Variants in OGA observed in about 807,000 individuals in gnomAD.
OGA encodes protein O-GlcNAcase.
OGA carries 21 observed loss-of-function variants against 102.0 expected under a neutral mutation model. That is an observed-to-expected ratio of 0.21 (90% confidence interval 0.15 to 0.30). The LOEUF (loss-of-function observed/expected upper bound fraction) is 0.30, where lower values mean the gene tolerates loss of function less well. OGA is among the 10% of genes least tolerant of loss of function. The pLI, the probability that OGA is intolerant of heterozygous loss-of-function variation, is 1.00. For synonymous variants in OGA, 408 were observed against 378.2 expected, an observed-to-expected ratio of 1.08 and a Z score of -0.91; for missense variants, 765 against 1,107.8, an observed-to-expected ratio of 0.69 and a Z score of 4.39.
chr10:101,807,883 T>G lies in OGA; in HGVS notation c.499A>C (p.Arg167=). ...TCATCAAAAAGCAAAGCAAATGATC[T>G]GCACCCAAACTGAGAAACCTAGGAG... The part of the protein sequence containing the change: ...KLDQVSQFGC[R]SFALLFDDID... The change falls in exon 5 of 16, where the codon AGA becomes CGA. Residue 167 remains arginine (R), a synonymous_variant. Transcript: ENST00000361464. The G allele has an allele frequency of 6.5e-7, 1 of 1,541,414 alleles. No individual in the cohort carries two copies. The highest frequency in any genetic ancestry group is 8.7e-7 in the Non-Finnish European group (1 of 1,147,890).
chr10:101,804,816 C>G (rs2065446159), intron 6 of OGA, among the ~76,000 whole-genome samples: 1 of 151,992 alleles, frequency 6.6e-6, no homozygotes, highest in African/African-American at 2.4e-5. Flanking sequence ...ATCTTAAACT[C>G]CTGGCCTCAA....
intron 14 of OGA, among the ~76,000 whole-genome samples, chr10:101,789,791 C>G (rs555791087): frequency 6.6e-6 from 1 of 152,000 alleles, no homozygotes; most frequent in Admixed American, 6.6e-5. Context: ...CTGGGCAACA[C>G]GGCGAAACCC....
chr10:101,786,646 ATATAAAACTATAATCT>A, intron 15 of OGA, 59 bp from the exon 16 acceptor site: 1 of 1,302,584 alleles, frequency 7.7e-7, no homozygotes, highest in Non-Finnish European at 1.0e-6. Context: ...ATAATTATAG[ATATAAAACTATAATCT>A]TCGAGATGGT....
At chr10:101,787,708 C>T (rs2065207067) in intron 14 of OGA, 185 bp from the exon 15 acceptor site, 1 of 559,026 alleles carries the variant, frequency 1.8e-6, no homozygotes, top group African/African-American at 1.9e-5. Flanking sequence ...ACAGGATCTC[C>T]TTCTGTTGGC....
chr10:101,804,081 A>AT, intron 6 of OGA, 62 bp from the exon 7 acceptor site: 2 of 1,462,528 alleles, frequency 1.4e-6, no homozygotes, highest in Non-Finnish European at 9.3e-7. Context: ...GCATTGGCTC[A>AT]TAACTGTAAT....
Position 101,818,263 on chromosome 10 carries a change from G to C in OGA, c.-241C>G, listed in dbSNP as rs1237903542. On this transcript the variant is annotated 5_prime_UTR_variant, in exon 1 of 16. Transcript: ENST00000361464. Reference sequence around the variant, plus strand: ...GCCTCGGCTTTAAGCTGGGGCGCCAGAAGCCTAAGCGGAGAGCGAGGCTGT... The same window carrying C: ...GCCTCGGCTTTAAGCTGGGGCGCCACAAGCCTAAGCGGAGAGCGAGGCTGT... 7.6e-7 allele frequency: 1 copy of C among 1,310,474 alleles called. No individual in the cohort carries two copies. Among genetic ancestry groups the C allele is most frequent in the East Asian group, 3.1e-5 (1 of 31,816 alleles). The allele number at this position is 1,310,474 out of a possible 1,614,324, so 81.2% of individuals were successfully genotyped here. A position where few individuals can be genotyped will look rare whatever the true frequency, so the allele number is the denominator to read the frequency against.
chr10:101,796,203 A>C (rs1174670449), intron 10 of OGA, among the ~76,000 whole-genome samples: 1 of 152,164 alleles, frequency 6.6e-6, no homozygotes, highest in Non-Finnish European at 1.5e-5. Flanking sequence ...TCCAGCAACC[A>C]ATATTGAGGT....
At chr10:101,791,137 A>C in intron 13 of OGA, 49 bp from the exon 14 acceptor site, 1 of 1,542,594 alleles carries the variant, frequency 6.5e-7, no homozygotes, top group Non-Finnish European at 8.8e-7. Context: ...TGCTAATATA[A>C]AATTCAGACT....
rs758863170 is a variant in OGA, at chr10:101,813,103, T to G, written c.276A>C (p.Thr92=). 6.2e-7 allele frequency: 1 copy of G among 1,612,314 alleles called. No individual in the cohort carries two copies. Among genetic ancestry groups the G allele is most frequent in the South Asian group, 1.1e-5 (1 of 90,576 alleles). The change falls in exon 3 of 16, where the codon ACA becomes ACC. Residue 92 remains threonine, a synonymous_variant. Transcript: ENST00000361464. ...FRRLQKWELN[T]YLYAPKDDYK... ...AGTCATCTTTTGGGGCATACAAGTA[T>G]GTATTTAATTCCCATTTCTGGAGCC...
chr10:101,787,300 C>A, intron 15 of OGA, 64 bp downstream of exon 15: 2 of 1,439,060 alleles, frequency 1.4e-6, no homozygotes, highest in South Asian at 1.5e-5. Context: ...CTTTTATATC[C>A]AAAAATATAT....
rs1417200789 is a variant in OGA at position 101,784,467 on chromosome 10, T to TTTGCCTC, written c.*1977_*1983dup. ...GACAAGCATTCACTTCAAGTTTTAT[T>TTTGCCTC]TTGCCTCTTGCATGGTCTTTTACAG... On this transcript the variant is annotated 3_prime_UTR_variant, in exon 16 of 16. Transcript: ENST00000361464. 2.6e-5 allele frequency: 4 copies of TTTGCCTC among 152,674 alleles called. No individual in the cohort carries two copies. The highest frequency in any genetic ancestry group is 9.6e-5 in the African/African-American group (4 of 41,454). The allele number at this position is 152,674 out of a possible 1,614,324, so 9.5% of individuals were successfully genotyped here.
intron 4 of OGA, 51 bp downstream of exon 4, chr10:101,810,130 ACTT>A: frequency 1.4e-6 from 2 of 1,474,856 alleles, no homozygotes; most frequent in Non-Finnish European, 1.8e-6. Flanking sequence ...AACTGAGTAA[ACTT>A]CTAGTTTCAA....
At chr10:101,796,881 C>T (rs1043531789) in intron 10 of OGA, among the ~76,000 whole-genome samples, 1 of 152,024 alleles carries the variant, frequency 6.6e-6, no homozygotes, top group Non-Finnish European at 1.5e-5. Flanking sequence ...TGAGCAACCG[C>T]GCCCGAAGCT....
At chr10:101,806,990 AT>A (rs946933277) in intron 5 of OGA, among the ~76,000 whole-genome samples, 24 of 152,236 alleles carry the variant, frequency 1.6e-4, no homozygotes, top group African/African-American at 5.1e-4. Flanking sequence ...TTTAAAAAAA[AT>A]TTTTTTAAAG....
intron 6 of OGA, among the ~76,000 whole-genome samples, chr10:101,805,500 C>T (rs1187010455): frequency 6.6e-6 from 1 of 151,644 alleles, no homozygotes; most frequent in African/African-American, 2.4e-5. Context: ...ACTAGAAATA[C>T]AAAAATTAGC....
Position 101,813,543 on chromosome 10 carries a change from A to C in OGA, c.251+12T>G. The C allele has an allele frequency of 6.6e-7, 1 of 1,505,522 alleles. No individual in the cohort carries two copies. The highest frequency in any genetic ancestry group is 9.1e-7 in the Non-Finnish European group (1 of 1,096,236). 93.3% of individuals were successfully genotyped at this position (1,505,522 alleles called of 1,614,324 possible). A position where few individuals can be genotyped will look rare whatever the true frequency, so the allele number is the denominator to read the frequency against. On this transcript the variant is annotated intron_variant, in intron 2 of 15. Transcript: ENST00000361464. Reference sequence around the variant, plus strand: ...AAGGTTCTCCTCTCTCCTTCATATAATGAAGATTTACCTTCTAAAGAGTTC... The same window carrying C: ...AAGGTTCTCCTCTCTCCTTCATATACTGAAGATTTACCTTCTAAAGAGTTC...
intron 10 of OGA, among the ~76,000 whole-genome samples, chr10:101,794,810 C>T (rs1312193192): frequency 1.3e-5 from 2 of 152,184 alleles, no homozygotes; most frequent in African/African-American, 4.8e-5. Context: ...AACAGTAAGA[C>T]ATAAAGGCAA....
At chr10:101,793,307 G>A (rs942503331) in intron 11 of OGA, among the ~76,000 whole-genome samples, 1 of 152,208 alleles carries the variant, frequency 6.6e-6, no homozygotes, top group Non-Finnish European at 1.5e-5. Flanking sequence ...AGAATGTCAG[G>A]AGGAGAGGTT....
Position 101,800,380 on chromosome 10 carries a change from C to T in OGA, c.1057G>A (p.Val353Met). 1 of 1,613,320 alleles carries T rather than the reference C, an allele frequency of 6.2e-7. No individual in the cohort carries two copies. The highest frequency in any genetic ancestry group is 8.5e-7 in the Non-Finnish European group (1 of 1,179,430). The change falls in exon 8 of 16, where the codon GTG becomes ATG. Residue 353 changes from valine to methionine, a missense_variant. Val to Met is a conservative substitution (Grantham distance 21). This residue lies in a region of OGA where 33 missense variants were observed against 52.5 expected (regional missense o/e 0.63). Transcript: ENST00000361464. ...VVMTDSEDST[V>M]SIQIKLENEG... is the part of the protein sequence containing the mutation. ...TTTTCTAATTTTATCTGGATGGACA[C>T]AGTACTATCTTCACTGTCAGCTGCA...
Sources: gnomAD v4.1 joint callset for allele counts (sites outside exome capture counted in the v4.1 genomes callset) on GRCh38, gnomAD v4.1.1 for gene constraint, gnomAD v4.1.1 regional missense constraint, MANE v1.5 for transcripts, NCBI Gene and HGNC (gene_info 2026-07-23, HGNC 2026-07-21) for gene names.